The following PTPRT variants were observed in gnomAD, a reference collection of about 807,000 sequenced individuals.
PTPRT encodes receptor-type tyrosine-protein phosphatase T.
In PTPRT, 56 loss-of-function variants were observed where a neutral mutation model predicts 176.8. That is an observed-to-expected ratio of 0.32 (90% CI 0.26 to 0.40). The LOEUF is 0.40. Ranked by LOEUF, PTPRT falls within the 10% of genes least tolerant of loss-of-function variation. The pLI is 1.00. For missense variants in PTPRT, 1,540 were observed against 1,908.2 expected (o/e 0.81, Z 3.60); for synonymous variants, 783 against 739.0 (o/e 1.06, Z -0.96).
intron 1 of PTPRT, chr20:42,966,203 A>G (rs527784155): frequency 2.7e-4 from 41 of 152,360 alleles, no homozygotes; most frequent in African/African-American, 9.6e-4. Flanking sequence ...GAAAGCTTGC[A>G]CAATTTAAAA....
chr20:42,558,406 T>C (rs1037214280), intron 7 of PTPRT, among the ~76,000 whole-genome samples: 1 of 152,162 alleles, frequency 6.6e-6, no homozygotes, highest in African/African-American at 2.4e-5. Flanking sequence ...GTTTTTGCTA[T>C]CGTGAATAGT....
chr20:43,020,358 A>G (rs953773427), intron 1 of PTPRT, among the ~76,000 whole-genome samples: 2 of 151,942 alleles, frequency 1.3e-5, no homozygotes, highest in Non-Finnish European at 2.9e-5. Flanking sequence ...ATACATGTTT[A>G]TGTGTGCCTG....
At position 42,700,186 on chromosome 20, in the gene PTPRT, G is replaced by A. The variant is rs768806655; in HGVS notation, c.860-22027C>T. Among the ~76,000 whole-genome samples the A allele has an allele frequency of 2.6e-5, 4 of 152,120 alleles. No homozygotes were observed. In the East Asian group the frequency reaches 5.8e-4, roughly 22 times the overall value. On this transcript the variant is annotated intron_variant, in intron 6 of 30. Transcript: ENST00000373187. The stretch of plus-strand genomic sequence containing the variant: ...TTCAGAAAATTATCTCTGACAAAAC[G>A]AAACACAAACCTCATTTCGATGTGA...
chr20:42,845,271 T>C (rs2078349864), intron 2 of PTPRT, among the ~76,000 whole-genome samples: 1 of 121,596 alleles, frequency 8.2e-6, no homozygotes, highest in East Asian at 2.5e-4. Flanking sequence ...AGGGCTGTCT[T>C]GTGTGGTAAT....
intron 9 of PTPRT, among the ~76,000 whole-genome samples, chr20:42,355,000 G>A (rs1056163266): frequency 7.0e-6 from 1 of 142,806 alleles, no homozygotes; most frequent in Non-Finnish European, 1.6e-5. Context: ...AGGCTGCTCT[G>A]GTGGGCCTGT....
chr20:42,160,031 T>C (rs1392412521), intron 17 of PTPRT, among the ~76,000 whole-genome samples: 2 of 152,110 alleles, frequency 1.3e-5, no homozygotes, highest in African/African-American at 4.8e-5. Flanking sequence ...ATAAACTTAG[T>C]CTGCAATATT....
chr20:43,035,274 C>T lies in PTPRT; in HGVS notation c.89-149342G>A, dbSNP rs558905605. Among the ~76,000 whole-genome samples, 17 of 150,596 alleles carry T rather than the reference C, an allele frequency of 1.1e-4. No individual in the cohort carries two copies. The South Asian group carries it at 3.7e-3, about 33-fold the overall frequency. On this transcript the variant is annotated intron_variant, in intron 1 of 30. Transcript: ENST00000373187. ...AACCACCCAGGAAGTGGATCCAGGC[C>T]TTACCAAGAGCACTTGGATACTTTA...
intron 12 of PTPRT, among the ~76,000 whole-genome samples, chr20:42,313,740 C>T (rs2057671918): frequency 6.6e-6 from 1 of 152,052 alleles, no homozygotes; most frequent in Non-Finnish European, 1.5e-5. Flanking sequence ...GATGCTTCTG[C>T]CAATTTTTAT....
chr20:42,327,538 T>G (rs967600041), intron 11 of PTPRT, among the ~76,000 whole-genome samples: 2 of 151,936 alleles, frequency 1.3e-5, no homozygotes, highest in Non-Finnish European at 2.9e-5. Context: ...CTAAAGGTTT[T>G]GAAGCGTCAT....
At chr20:42,728,803 C>G (rs2076417859) in intron 6 of PTPRT, among the ~76,000 whole-genome samples, 1 of 152,220 alleles carries the variant, frequency 6.6e-6, no homozygotes, top group Non-Finnish European at 1.5e-5. Context: ...CCAAGTCTTT[C>G]TGGCCAGGCC....
chr20:42,850,217 T>C (rs2078444309), intron 2 of PTPRT, among the ~76,000 whole-genome samples: 1 of 152,194 alleles, frequency 6.6e-6, no homozygotes, highest in Non-Finnish European at 1.5e-5. Flanking sequence ...CCCAAAGAAC[T>C]TGAGATTTCT....
At chr20:42,581,699 A>G (rs1006431879) in intron 7 of PTPRT, among the ~76,000 whole-genome samples, 7 of 152,220 alleles carry the variant, frequency 4.6e-5, no homozygotes, top group Non-Finnish European at 8.8e-5. Flanking sequence ...GAATGAGACT[A>G]TGAAAGGAGT....
chr20:42,205,704 T>C (rs2055440041), intron 15 of PTPRT, among the ~76,000 whole-genome samples: 1 of 152,142 alleles, frequency 6.6e-6, no homozygotes, highest in African/African-American at 2.4e-5. Flanking sequence ...GCACTCTTCC[T>C]CTTCCCCATA....
intron 7 of PTPRT, among the ~76,000 whole-genome samples, chr20:42,663,313 T>C (rs552649580): frequency 6.6e-6 from 1 of 151,900 alleles, no homozygotes; most frequent in Non-Finnish European, 1.5e-5. Context: ...CAGAAAGAGG[T>C]GAAAATTTCT....
intron 12 of PTPRT, among the ~76,000 whole-genome samples, chr20:42,302,954 C>T (rs1401152745): frequency 2.6e-5 from 4 of 152,180 alleles, no homozygotes. Context: ...TCAATAAGCT[C>T]CCTTCCAATA....
At chr20:42,130,231 T>C (rs1010161458) in intron 18 of PTPRT, among the ~76,000 whole-genome samples, 1 of 152,166 alleles carries the variant, frequency 6.6e-6, no homozygotes, top group Non-Finnish European at 1.5e-5. Flanking sequence ...AGCAGCCAGA[T>C]AGAAGAAAGT....
intron 2 of PTPRT, among the ~76,000 whole-genome samples, chr20:42,840,165 G>A (rs1600816534): frequency 6.6e-6 from 1 of 152,102 alleles, no homozygotes; most frequent in Middle Eastern, 3.4e-3. Flanking sequence ...TGGTTTGCTG[G>A]TAATCCCTGG....
rs2073382029 is a variant in PTPRT at position 42,582,014 on chromosome 20, T to G, written c.1153+95852A>C. On this transcript the variant is annotated intron_variant, in intron 7 of 30. Coordinates refer to ENST00000373187, the MANE Select transcript of PTPRT (RefSeq NM_007050.6). Reference sequence around the variant, plus strand: ...AAAAAAGGGGCTGGAATGCTGGCTTTGACTGGCTTGTTCACCCCAGTGAAA... The same window carrying G: ...AAAAAAGGGGCTGGAATGCTGGCTTGGACTGGCTTGTTCACCCCAGTGAAA... Among the ~76,000 whole-genome samples, 2 of 152,238 alleles carry G rather than the reference T, an allele frequency of 1.3e-5. 1 individual carries two copies. Among genetic ancestry groups the G allele is most frequent in the South Asian group, 4.1e-4 (2 of 4,830 alleles).
At chr20:42,400,593 AG>A (rs1292979083) in intron 9 of PTPRT, among the ~76,000 whole-genome samples, 2 of 152,118 alleles carry the variant, frequency 1.3e-5, no homozygotes, top group Non-Finnish European at 2.9e-5. Context: ...TGGACTGTGC[AG>A]GGCAGAGAGA....
Sources: gnomAD v4.1 joint callset for allele counts (sites outside exome capture counted in the v4.1 genomes callset) on GRCh38, gnomAD v4.1.1 for gene constraint, MANE v1.5 for transcripts, NCBI Gene and HGNC (gene_info 2026-07-23, HGNC 2026-07-21) for gene names.